The following ASPM variants were observed in gnomAD, a reference collection of about 807,000 sequenced individuals.
ASPM encodes the protein abnormal spindle-like microcephaly-associated protein.
A neutral mutation model predicts 366.4 loss-of-function variants in ASPM; 256 were observed. That is an observed-to-expected ratio of 0.70 (90% confidence interval 0.63 to 0.77). The LOEUF (loss-of-function observed/expected upper bound fraction) is 0.77. Among genes scored for constraint, ASPM ranks in the 30% least tolerant of loss-of-function variants. ASPM has a pLI of 0.00. For missense variants in ASPM, 4,146 were observed against 4,090.4 expected, an observed-to-expected ratio of 1.01 and a Z score of -0.37; for synonymous variants, 1,414 against 1,342.9, an observed-to-expected ratio of 1.05 and a Z score of -1.16.
chr1:197,129,809 A>T, intron 8 of ASPM, 106 bp downstream of exon 8: 1 of 1,307,592 alleles, frequency 7.6e-7, no homozygotes, highest in Non-Finnish European at 1.1e-6. Context: ...AGACTTATTT[A>T]GATTGGTTTC....
At chr1:197,137,456 A>G (rs1401143202) in intron 4 of ASPM, among the ~76,000 whole-genome samples, 1 of 152,222 alleles carries the variant, frequency 6.6e-6, no homozygotes, top group Admixed American at 6.5e-5. Context: ...AACAACATGT[A>G]TAAAAGTCAT....
chr1:197,135,513 T>C (rs1462114287), intron 4 of ASPM, among the ~76,000 whole-genome samples: 4 of 152,180 alleles, frequency 2.6e-5, no homozygotes, highest in Non-Finnish European at 5.9e-5. Context: ...TTTTTTATAA[T>C]TGATGCATAA....
At position 197,143,352 on chromosome 1, in the gene ASPM, G is replaced by C. The variant is rs750287630; in HGVS notation, c.900C>G (p.Pro300=). 6.2e-7 allele frequency: 1 copy of C among 1,613,712 alleles called. No individual in the cohort carries two copies. The highest frequency in any genetic ancestry group is 8.5e-7 in the Non-Finnish European group (1 of 1,179,750). The change falls in exon 3 of 28, where the codon CCC becomes CCG. Residue 300 remains proline, a synonymous_variant. Coordinates refer to ENST00000367409, the MANE Select transcript of ASPM (RefSeq NM_018136.5). ...RGENSKLSLT[P]NCSSTLNITQ... Reference sequence around the variant, plus strand: ...TAATGTTCAAAGTTGAAGAACAGTTGGGGGTAAGACTAAGTTTACTATTCT... The same window carrying C: ...TAATGTTCAAAGTTGAAGAACAGTTCGGGGTAAGACTAAGTTTACTATTCT...
In ASPM at chr1:197,104,792, T is replaced by G; in HGVS notation, c.4459A>C (p.Ile1487Leu). The stretch of plus-strand genomic sequence containing the variant: ...TGAATGATAACAACACAAGATCTAA[T>G]ATAAATATATTTCCGTAATTCTTTA... Reference protein sequence around the residue: ...MHKELRKYIYIRSCVVIIQKR... With the variant: ...MHKELRKYIYLRSCVVIIQKR... Residue 1487 changes from isoleucine (I) to leucine (L), a missense_variant, in exon 18 of 28, where the codon ATT (isoleucine) becomes CTT (leucine). By Grantham distance (5) the Ile-to-Leu change is conservative (BLOSUM62 2). Coordinates refer to ENST00000367409, the MANE Select transcript of ASPM (RefSeq NM_018136.5). The G allele has an allele frequency of 6.3e-7, 1 of 1,585,678 alleles. No homozygotes were observed. The highest frequency in any genetic ancestry group is 8.6e-7 in the Non-Finnish European group (1 of 1,169,438).
At chr1:197,132,612 C>A (rs1027967320) in intron 6 of ASPM, among the ~76,000 whole-genome samples, 3 of 151,918 alleles carry the variant, frequency 2.0e-5, no homozygotes, top group African/African-American at 7.3e-5. Flanking sequence ...GAAGAGATAC[C>A]TGCATTCTTA....
intron 6 of ASPM, among the ~76,000 whole-genome samples, chr1:197,132,833 G>T (rs1658304997): frequency 6.6e-6 from 1 of 151,546 alleles, no homozygotes; most frequent in South Asian, 2.1e-4. Flanking sequence ...TGATAACATG[G>T]ATCAATCTGG....
chr1:197,130,003 C>G lies in ASPM; in HGVS notation c.2541G>C (p.Leu847Phe), dbSNP rs771352745. The G allele has an allele frequency of 1.2e-6, 2 of 1,613,954 alleles. No homozygotes were observed. Among genetic ancestry groups the G allele is most frequent in the Non-Finnish European group, 1.7e-6 (2 of 1,179,920 alleles). The stretch of plus-strand genomic sequence containing the variant: ...GTAGGCGATTCAGAATAAACATAGC[C>G]AACCCTGTGACATCACTGTTATCTT... ...SLEDNSDVTGLAMFILNRLLW... is the reference protein window; with the variant it reads ...SLEDNSDVTGFAMFILNRLLW... The change falls in exon 8 of 28, where the codon TTG becomes TTC. Residue 847 changes from leucine to phenylalanine, a missense_variant. Around this residue, in one of 3 missense-constraint regions of ASPM, gnomAD observed 3,624 missense variants for 3,591.7 expected, o/e 1.01. Coordinates refer to ENST00000367409, the MANE Select transcript of ASPM (RefSeq NM_018136.5).
intron 17 of ASPM, among the ~76,000 whole-genome samples, chr1:197,109,642 A>T (rs1240675366): frequency 6.6e-6 from 1 of 152,092 alleles, no homozygotes; most frequent in African/African-American, 2.4e-5. Flanking sequence ...AAAAATAGAA[A>T]GAATATTTAG....
chr1:197,132,780 A>C (rs1004078588), intron 6 of ASPM, among the ~76,000 whole-genome samples: 1 of 150,104 alleles, frequency 6.7e-6, no homozygotes, highest in African/African-American at 2.4e-5. Flanking sequence ...TTTATATATA[A>C]TGAAGTACTA....
chr1:197,117,971 C>G lies in ASPM; in HGVS notation c.3883G>C (p.Ala1295Pro), dbSNP rs1450405802. ...ACAGCCAATTGAATAATTCTTGCAGCTTTCTCTCTCTCCTAAAATAAAAAA... is the reference window on the plus strand; with the variant it reads ...ACAGCCAATTGAATAATTCTTGCAGGTTTCTCTCTCTCCTAAAATAAAAAA... The part of the protein sequence containing the change: ...DLKRHQEREK[A>P]ARIIQLAVIN... The change falls in exon 17 of 28, where the codon GCT becomes CCT. Residue 1295 changes from alanine to proline, a missense_variant. Transcript: ENST00000367409. 1 of 1,612,994 alleles carries G rather than the reference C, an allele frequency of 6.2e-7. No individual in the cohort carries two copies. Among genetic ancestry groups the G allele is most frequent in the Non-Finnish European group, 8.5e-7 (1 of 1,179,412 alleles).
intron 17 of ASPM, among the ~76,000 whole-genome samples, chr1:197,106,103 G>C (rs78804457): frequency 3.1e-4 from 47 of 152,118 alleles, no homozygotes; most frequent in Non-Finnish European, 6.6e-4. Context: ...GCAGTATCGA[G>C]TTTGCTTGCA....
At chr1:197,133,760 C>T (rs1333552280) in intron 5 of ASPM, among the ~76,000 whole-genome samples, 165 bp from the exon 6 acceptor site, 1 of 152,178 alleles carries the variant, frequency 6.6e-6, no homozygotes, top group African/African-American at 2.4e-5. Context: ...GTTAGCTCTA[C>T]CTGCAAAATG....
Position 197,121,968 on chromosome 1 carries a change from TGAGTC to T in ASPM, c.3812_3816del (p.Arg1271HisfsTer9). 1 of 1,611,636 alleles carries T rather than the reference TGAGTC, an allele frequency of 6.2e-7. No homozygotes were observed. The highest frequency in any genetic ancestry group is 8.5e-7 in the Non-Finnish European group (1 of 1,177,956). On this transcript the variant is annotated frameshift_variant, in exon 16 of 28. Transcript: ENST00000367409. LOFTEE classifies it high-confidence loss of function. ...TTATATTTTCTCCATGTTGTTTGTA[TGAGTC>T]GAGCAGCTCTTATTTCTTTACGAAG...
Position 197,095,951 on chromosome 1 carries a change from TCACA to T in ASPM, c.8987+43_8987+46del, listed in dbSNP as rs200804798. 1,534 of 1,483,714 alleles carry T rather than the reference TCACA, an allele frequency of 1.0e-3. 13 individuals are homozygous for T. In the African/African-American group the frequency reaches 0.013, roughly 12 times the overall value. The allele number at this position is 1,483,714 out of a possible 1,614,324, so 91.9% of individuals were successfully genotyped here. On this transcript the variant is annotated intron_variant, in intron 19 of 27. Transcript: ENST00000367409. ...GTTATTTTATGTAAAGACTTAGCTA[TCACA>T]CACAAATACTTTTACACTCTCCACA...
chr1:197,098,540 T>C (rs1416922701), intron 18 of ASPM, among the ~76,000 whole-genome samples: 1 of 151,764 alleles, frequency 6.6e-6, no homozygotes, highest in East Asian at 1.9e-4. Context: ...CCATAACTAA[T>C]ACATCCAATG....
chr1:197,098,080 T>A (rs1363065395), intron 18 of ASPM, among the ~76,000 whole-genome samples: 2 of 150,042 alleles, frequency 1.3e-5, no homozygotes, highest in Non-Finnish European at 3.0e-5. Flanking sequence ...GAAGCCAACA[T>A]AGCGTTAAGA....
At chr1:197,124,799 G>T in intron 12 of ASPM, 71 bp downstream of exon 12, 1 of 1,242,948 alleles carries the variant, frequency 8.0e-7, no homozygotes. Flanking sequence ...TTCTTTATTA[G>T]ATTCAAATTG....
At chr1:197,112,575 T>C (rs1358912494) in intron 17 of ASPM, among the ~76,000 whole-genome samples, 1 of 152,136 alleles carries the variant, frequency 6.6e-6, no homozygotes, top group African/African-American at 2.4e-5. Context: ...TCCCATTCTA[T>C]TCAGCTACCC....
intron 23 of ASPM, 39 bp downstream of exon 23, chr1:197,090,811 A>G (rs1439989481): frequency 1.9e-6 from 3 of 1,571,954 alleles, no homozygotes; most frequent in Admixed American, 3.3e-5. Flanking sequence ...TGAATTGCAA[A>G]CTAAAGTTTT....
Sources: gnomAD v4.1 joint callset for allele counts (sites outside exome capture counted in the v4.1 genomes callset) on GRCh38, gnomAD v4.1.1 for gene constraint, gnomAD v4.1.1 regional missense constraint, MANE v1.5 for transcripts, NCBI Gene and HGNC (gene_info 2026-07-23, HGNC 2026-07-21) for gene names.